The following MZF1 variants were observed in gnomAD, a reference collection of about 807,000 sequenced individuals.
MZF1 encodes myeloid zinc finger 1.
MZF1 carries 24 observed loss-of-function variants against 28.6 expected under a neutral mutation model. That is an observed-to-expected ratio of 0.84 (90% CI 0.61 to 1.18). MZF1 has a LOEUF of 1.18. Ranked by LOEUF, MZF1 falls within the 50% of genes most tolerant of loss-of-function variation. The pLI is 0.00. For missense variants in MZF1, 1,166 were observed against 1,026.4 expected (o/e 1.14, Z -1.86); for synonymous variants, 516 against 432.5 (o/e 1.19, Z -2.40).
rs1600099960 is a variant in MZF1, at chr19:58,564,898, G to GTTTTTTTTTTTT, written c.773-1395_773-1394insAAAAAAAAAAAA. 6.3e-4 allele frequency among the ~76,000 whole-genome samples: 58 copies of GTTTTTTTTTTTT among 91,938 alleles called. 6 individuals are homozygous for GTTTTTTTTTTTT. The highest frequency in any genetic ancestry group is 2.7e-3 in the African/African-American group (51 of 18,938). The allele number at this position is 91,938 out of a possible 152,430, so 60.3% of individuals were successfully genotyped here. Reference sequence around the variant, plus strand: ...CAGGGTGGAGAATAAGCATCCATGTGTGTGTTTTTTTTTTTTTTTTTTTTT... The same window carrying GTTTTTTTTTTTT: ...CAGGGTGGAGAATAAGCATCCATGTGTTTTTTTTTTTTTGTGTTTTTTTTTTTTTTTTTTTTT... On this transcript the variant is annotated intron_variant, in intron 5 of 5. Coordinates refer to ENST00000215057, the MANE Select transcript of MZF1 (RefSeq NM_198055.2).
chr19:58,565,744 G>A (rs1253944066), intron 5 of MZF1, among the ~76,000 whole-genome samples: 2 of 146,240 alleles, frequency 1.4e-5, no homozygotes, highest in African/African-American at 5.1e-5. Flanking sequence ...GTGTTAGCCA[G>A]GATGGTCTCG....
intron 5 of MZF1, among the ~76,000 whole-genome samples, chr19:58,564,910 T>TTTTG (rs1568680391): frequency 1.5e-4 from 12 of 81,790 alleles, no homozygotes; most frequent in Admixed American, 2.4e-4. Flanking sequence ...GTGTTTTTTT[T>TTTTG]TTTTTTTTTT....
At position 58,562,992 on chromosome 19, in the gene MZF1, C is replaced by CTT. The variant is rs1568676924; in HGVS notation, c.1283_1284dup (p.Glu429LysfsTer129). Reference sequence around the variant, plus strand: ...TCGCCCGTGTGCACTCTCCGATGCTCTTCCAGGCGCGCGCTGCGCACGAAG... The same window carrying CTT: ...TCGCCCGTGTGCACTCTCCGATGCTCTTTTCCAGGCGCGCGCTGCGCACGAAG... On this transcript the variant is annotated frameshift_variant, in exon 6 of 6. Transcript: ENST00000215057. LOFTEE classifies it low-confidence loss of function (END_TRUNC). The CTT allele has an allele frequency of 1.1e-5, 18 of 1,602,038 alleles. No homozygotes were observed. Among genetic ancestry groups the CTT allele is most frequent in the Non-Finnish European group, 1.5e-5 (18 of 1,179,682 alleles).
At chr19:58,564,560 T>C (rs1347243783) in intron 5 of MZF1, 1 of 152,248 alleles carries the variant, frequency 6.6e-6, no homozygotes, top group African/African-American at 2.4e-5. Flanking sequence ...AGGGCTGAAC[T>C]CATCTGCCAT....
At position 58,562,276 on chromosome 19, in the gene MZF1, G is replaced by A; in HGVS notation, c.2001C>T (p.Asn667=). ...ECGQSFRQHA[N]LTQHRRIHTG... ...TGTGGATGCGCCGGTGCTGGGTGAGGTTGGCGTGCTGCCGAAAGCTCTGGC... is the reference window on the plus strand; with the variant it reads ...TGTGGATGCGCCGGTGCTGGGTGAGATTGGCGTGCTGCCGAAAGCTCTGGC... Residue 667 remains asparagine (N), a synonymous_variant, in exon 6 of 6, where the codon AAC becomes AAT. Coordinates refer to ENST00000215057, the MANE Select transcript of MZF1 (RefSeq NM_198055.2). 2 of 1,604,798 alleles carry A rather than the reference G, an allele frequency of 1.2e-6. No individual in the cohort carries two copies. Among genetic ancestry groups the A allele is most frequent in the Non-Finnish European group, 1.7e-6 (2 of 1,176,948 alleles).
chr19:58,573,242 C>G lies in MZF1; in HGVS notation c.-228G>C, dbSNP rs927220463. On this transcript the variant is annotated 5_prime_UTR_variant, in exon 1 of 6. An upstream start codon of the reference 5' UTR is lost. Transcript: ENST00000215057. ...CTAGCGGTGGTCGCAATGATCAGGT[C>G]ATACTCCTGGCCGCTTCTTCCCATG... The G allele has an allele frequency of 6.6e-6, 1 of 152,640 alleles. No homozygotes were observed. The highest frequency in any genetic ancestry group is 2.4e-5 in the African/African-American group (1 of 41,340). The allele number at this position is 152,640 out of a possible 1,614,324, so 9.5% of individuals were successfully genotyped here.
At position 58,571,290 on chromosome 19, in the gene MZF1, C is replaced by T. The variant is rs1271260700; in HGVS notation, c.100G>A (p.Ala34Thr). ...LEDSEEEGEA[A>T]LWDPGPEAAR... ...GCTTCAGGGCCTGGGTCCCATAAGG[C>T]AGCCTCACCCTCCTCCTCAGAGTCC... The change falls in exon 2 of 6, where the codon GCC becomes ACC. Residue 34 changes from alanine (A) to threonine (T), a missense_variant. Transcript: ENST00000215057. The T allele has an allele frequency of 6.2e-7, 1 of 1,613,966 alleles. No individual in the cohort carries two copies. The highest frequency in any genetic ancestry group is 2.2e-5 in the East Asian group (1 of 44,874).
chr19:58,570,891 C>A, intron 2 of MZF1, 103 bp downstream of exon 2: 3 of 1,341,808 alleles, frequency 2.2e-6, no homozygotes, highest in Non-Finnish European at 3.1e-6. Flanking sequence ...CACTTCTGTA[C>A]CACAAGGGAG....
In MZF1 at chr19:58,570,439, G is replaced by C. The variant is rs115687020; in HGVS notation, c.485C>G (p.Thr162Ser). ...AGGTGTCTTGGGCCCAGGCTCTGGAGTTGGAGGCTCAGTTTCAGGTAGGGG... is the reference window on the plus strand; with the variant it reads ...AGGTGTCTTGGGCCCAGGCTCTGGACTTGGAGGCTCAGTTTCAGGTAGGGG... ...FQPLPETEPP[T>S]PEPGPKTPPR... The change falls in exon 3 of 6, where the codon ACT becomes AGT. Residue 162 changes from threonine (T) to serine (S), a missense_variant. Physicochemically the swap from Thr to Ser is moderately conservative, Grantham distance 58. Coordinates refer to ENST00000215057, the MANE Select transcript of MZF1 (RefSeq NM_198055.2). 4.0e-4 allele frequency: 642 copies of C among 1,613,958 alleles called. 1 individual carries two copies. In the African/African-American group the frequency reaches 7.5e-3, roughly 19 times the overall value.
intron 3 of MZF1, 32 bp from the exon 4 acceptor site, chr19:58,569,618 A>T: frequency 6.5e-7 from 1 of 1,546,326 alleles, no homozygotes; most frequent in Non-Finnish European, 8.8e-7. Flanking sequence ...AGGCAGCCTG[A>T]GTGAGTTTCC....
chr19:58,571,532 A>C, intron 1 of MZF1, 103 bp from the exon 2 acceptor site: 1 of 1,097,354 alleles, frequency 9.1e-7, no homozygotes, highest in Non-Finnish European at 1.3e-6. Context: ...CCCCATGTGG[A>C]AGGCAGATGA....
At chr19:58,569,840 T>C in intron 3 of MZF1, 2 of 474,218 alleles carry the variant, frequency 4.2e-6, no homozygotes, top group South Asian at 5.4e-5. Context: ...ATGTGAACCA[T>C]GGGGCAAGGT....
At chr19:58,564,224 G>C (rs1255565085) in intron 5 of MZF1, 1 of 152,210 alleles carries the variant, frequency 6.6e-6, no homozygotes, top group African/African-American at 2.4e-5. Flanking sequence ...AGGGCTTTTA[G>C]TGGTGAGAGA....
intron 5 of MZF1, 172 bp downstream of exon 5, chr19:58,569,105 G>T (rs1600106296): frequency 1.2e-6 from 1 of 845,144 alleles, no homozygotes; most frequent in Non-Finnish European, 1.7e-6. Context: ...GGCTTTTTTT[G>T]AGGGCAGAAG....
chr19:58,565,856 TG>T (rs1356828288), intron 5 of MZF1, among the ~76,000 whole-genome samples: 15 of 138,520 alleles, frequency 1.1e-4, no homozygotes, highest in African/African-American at 3.2e-4. Context: ...AGGAGAGGAA[TG>T]GGGCTGGGCA....
chr19:58,565,732 C>G (rs542519520), intron 5 of MZF1, among the ~76,000 whole-genome samples: 1 of 147,766 alleles, frequency 6.8e-6, no homozygotes, highest in Admixed American at 6.7e-5. Flanking sequence ...CGGGGTTTCG[C>G]CGTGTTAGCC....
chr19:58,570,579 G>A (rs774779048), intron 2 of MZF1, 52 bp from the exon 3 acceptor site: 6 of 1,553,978 alleles, frequency 3.9e-6, no homozygotes, highest in Admixed American at 3.8e-5. Flanking sequence ...AAGGCTGGCC[G>A]CAACCTGGGG....
rs775271307 is a variant in MZF1 at position 58,571,303 on chromosome 19, C to T, written c.87G>A (p.Glu29=). 2.5e-6 allele frequency: 4 copies of T among 1,614,048 alleles called. No individual in the cohort carries two copies. The highest frequency in any genetic ancestry group is 3.4e-6 in the Non-Finnish European group (4 of 1,180,022). The change falls in exon 2 of 6, where the codon GAG becomes GAA. Residue 29 remains glutamate, a synonymous_variant. Coordinates refer to ENST00000215057, the MANE Select transcript of MZF1 (RefSeq NM_198055.2). ...GGTCCCATAAGGCAGCCTCACCCTC[C>T]TCCTCAGAGTCCTCTAGCTTCACCA... ...PVMVKLEDSE[E]EGEAALWDPG... is the part of the protein sequence containing the mutation.
Position 58,562,692 on chromosome 19 carries a change from G to C in MZF1, c.1585C>G (p.Leu529Val). 1 of 1,537,164 alleles carries C rather than the reference G, an allele frequency of 6.5e-7. No individual in the cohort carries two copies. Among genetic ancestry groups the C allele is most frequent in the Non-Finnish European group, 8.7e-7 (1 of 1,147,868 alleles). ...CCACTGTGCACGCGCCGGTGCTGCA[G>C]CAGCACTGAGCGGCGGCCGAAGCGC... The part of the protein sequence containing the change: ...GERFGRRSVL[L>V]QHRRVHSGER... Residue 529 changes from leucine to valine, a missense_variant, in exon 6 of 6, where the codon CTG becomes GTG. Leu to Val is a conservative substitution (Grantham distance 32, BLOSUM62 1). Transcript: ENST00000215057.
Sources: gnomAD v4.1 joint callset for allele counts (sites outside exome capture counted in the v4.1 genomes callset) on GRCh38, gnomAD v4.1.1 for gene constraint, MANE v1.5 for transcripts, NCBI Gene and HGNC (gene_info 2026-07-23, HGNC 2026-07-21) for gene names.